Variants in PLXNA2 observed in about 807,000 individuals in gnomAD.
The protein encoded by PLXNA2 is plexin A2.
In PLXNA2, 91 loss-of-function variants were observed where a neutral mutation model predicts 193.5. The ratio of observed to expected loss-of-function variants is 0.47; its 90% CI spans 0.40 to 0.56. PLXNA2 has a LOEUF of 0.56. Among genes scored for constraint, PLXNA2 ranks in the 20% least tolerant of loss-of-function variants. The pLI is 0.00. For missense variants in PLXNA2, 1,995 were observed against 2,503.2 expected, an observed-to-expected ratio of 0.80 and a Z score of 4.33; for synonymous variants, 997 against 1,027.3, an observed-to-expected ratio of 0.97 and a Z score of 0.56.
intron 3 of PLXNA2, among the ~76,000 whole-genome samples, chr1:208,199,604 T>C (rs1670473177): frequency 6.6e-6 from 1 of 151,386 alleles, no homozygotes; most frequent in Admixed American, 6.6e-5. Flanking sequence ...GGCAGGAGAA[T>C]CGCTTGAACT....
intron 3 of PLXNA2, among the ~76,000 whole-genome samples, chr1:208,196,678 T>A (rs1478318148): frequency 6.6e-6 from 1 of 152,104 alleles, no homozygotes; most frequent in Admixed American, 6.5e-5. Context: ...ACCATGGCAG[T>A]GGGGGCAAGA....
At chr1:208,159,458 C>A (rs543584610) in intron 3 of PLXNA2, among the ~76,000 whole-genome samples, 4 of 152,208 alleles carry the variant, frequency 2.6e-5, no homozygotes, top group African/African-American at 9.6e-5. Flanking sequence ...TCCAGGAAGA[C>A]GGCTGCCCCT....
At chr1:208,052,188 C>T (rs900828598) in intron 15 of PLXNA2, 139 bp downstream of exon 15, 21 of 751,994 alleles carry the variant, frequency 2.8e-5, no homozygotes, top group Admixed American at 2.5e-5. Flanking sequence ...TCACAGTGAC[C>T]GGTATGGTAT....
At position 208,236,968 on chromosome 1, in the gene PLXNA2, C is replaced by T. The variant is rs1179108993; in HGVS notation, c.-81+6675G>A. ...AGCATCACTGATGTGGCTCCCCCAG[C>T]CTCAGACGAGGTGCAGGGAGAGCAT... On this transcript the variant is annotated intron_variant, in intron 1 of 31. Transcript: ENST00000367033. This position sits in a 1 kb window ranked among gnomAD's most constrained non-coding sequence, Gnocchi z 4.4. Among the ~76,000 whole-genome samples, 1 of 152,242 alleles carries T rather than the reference C, an allele frequency of 6.6e-6. No homozygotes were observed. The highest frequency in any genetic ancestry group is 1.5e-5 in the Non-Finnish European group (1 of 68,042).
At chr1:208,063,554 G>A (rs965366986) in intron 12 of PLXNA2, among the ~76,000 whole-genome samples, 1 of 152,234 alleles carries the variant, frequency 6.6e-6, no homozygotes, top group Non-Finnish European at 1.5e-5. Flanking sequence ...CAAGCCGGGA[G>A]AATGAGTGTC....
chr1:208,163,261 C>T (rs1367403050), intron 3 of PLXNA2, among the ~76,000 whole-genome samples: 1 of 152,008 alleles, frequency 6.6e-6, no homozygotes, highest in Non-Finnish European at 1.5e-5. Context: ...TCAGCTATAC[C>T]CTACCTACAA....
In PLXNA2 at chr1:208,044,447, A is replaced by T; in HGVS notation, c.3874+61T>A. The T allele has an allele frequency of 8.6e-7, 1 of 1,159,556 alleles. No individual in the cohort carries two copies. Among genetic ancestry groups the T allele is most frequent in the African/African-American group, 1.5e-5 (1 of 66,258 alleles). The allele number at this position is 1,159,556 out of a possible 1,614,324, so 71.8% of individuals were successfully genotyped here. A position where few individuals can be genotyped will look rare whatever the true frequency, so the allele number is the denominator to read the frequency against. ...AAAGATAGGAGTTGTCTGCAGGGAG[A>T]AGGGCAATAAGGCAGGTGGAGAAAG... On this transcript the variant is annotated intron_variant, in intron 20 of 31. Transcript: ENST00000367033. The surrounding 1 kb of genome is among the most constrained non-coding windows in gnomAD (Gnocchi z 4.9).
chr1:208,039,485 T>G, intron 24 of PLXNA2, 136 bp downstream of exon 24: 1 of 1,214,218 alleles, frequency 8.2e-7, no homozygotes, highest in Non-Finnish European at 1.2e-6. Context: ...GTACACTTAG[T>G]TGTCCTTTGG....
Position 208,038,239 on chromosome 1 carries a change from T to A in PLXNA2, c.4764+132A>T. On this transcript the variant is annotated intron_variant, in intron 26 of 31. Coordinates refer to ENST00000367033, the MANE Select transcript of PLXNA2 (RefSeq NM_025179.4). This position sits in a 1 kb window ranked among gnomAD's most constrained non-coding sequence, Gnocchi z 4.1. ...GGGCAGCCATGGCTAAGAATCCCTG[T>A]TCTATGCTCCAGCAGGAGGAGGAAA... The A allele has an allele frequency of 1.4e-6, 1 of 692,202 alleles. No homozygotes were observed. The highest frequency in any genetic ancestry group is 1.8e-5 in the African/African-American group (1 of 56,980). 42.9% of individuals were successfully genotyped at this position (692,202 alleles called of 1,614,324 possible). A position where few individuals can be genotyped will look rare whatever the true frequency, so the allele number is the denominator to read the frequency against.
intron 3 of PLXNA2, among the ~76,000 whole-genome samples, chr1:208,196,480 T>C (rs17012158): frequency 0.45 from 67,819 of 151,968 alleles, 15,421 homozygotes; most frequent in East Asian, 0.69. Context: ...ACAACAGAAG[T>C]GAATGCAAAT....
chr1:208,191,418 T>C (rs1670177725), intron 3 of PLXNA2, among the ~76,000 whole-genome samples: 1 of 152,150 alleles, frequency 6.6e-6, no homozygotes, highest in African/African-American at 2.4e-5. Context: ...AATGCAGCCC[T>C]TATCCTAAAA....
chr1:208,062,026 T>C (rs1412886676), intron 12 of PLXNA2, among the ~76,000 whole-genome samples: 2 of 152,096 alleles, frequency 1.3e-5, no homozygotes, highest in Non-Finnish European at 2.9e-5. Context: ...GGTCCAGTGT[T>C]CTTTTTACTA....
intron 3 of PLXNA2, chr1:208,210,052 AT>A (rs1283976991): frequency 2.5e-5 from 6 of 242,336 alleles, no homozygotes; most frequent in African/African-American, 1.3e-4. Flanking sequence ...AGTTTGGGAA[AT>A]ATTGAAATAC....
rs112050472 is a variant in PLXNA2, at chr1:208,028,618, C to T, written c.5438+212G>A. On this transcript the variant is annotated intron_variant, in intron 30 of 31. Coordinates refer to ENST00000367033, the MANE Select transcript of PLXNA2 (RefSeq NM_025179.4). The surrounding 1 kb of genome is among the most constrained non-coding windows in gnomAD (Gnocchi z 4.2). ...CAGAATGCTGAATGCTTAGCACATG[C>T]TCAATGAATAGTAATTAGGATGATA... is the stretch of plus-strand genomic sequence containing the variant. 8.6e-4 allele frequency among the ~76,000 whole-genome samples: 131 copies of T among 152,310 alleles called. 2 individuals carry two copies. The highest frequency in any genetic ancestry group is 6.8e-3 in the Middle Eastern group (2 of 294).
chr1:208,101,662 A>G (rs1000792791), intron 5 of PLXNA2, among the ~76,000 whole-genome samples: 2 of 152,326 alleles, frequency 1.3e-5, no homozygotes, highest in African/African-American at 4.8e-5. Context: ...TGATAGATCT[A>G]TAGGCACTTG....
At chr1:208,094,429 G>C (rs920426460) in intron 8 of PLXNA2, among the ~76,000 whole-genome samples, 1 of 152,112 alleles carries the variant, frequency 6.6e-6, no homozygotes, top group Non-Finnish European at 1.5e-5. Flanking sequence ...CTGTCAAGGA[G>C]ACCTGCTTTT....
chr1:208,152,682 C>T (rs866256538), intron 3 of PLXNA2, among the ~76,000 whole-genome samples: 6 of 78,182 alleles, frequency 7.7e-5, no homozygotes, highest in Non-Finnish European at 2.1e-4. Context: ...CACACACACA[C>T]GCACACACAC....
In PLXNA2 at chr1:208,030,642, T is replaced by C. The variant is rs1044074149; in HGVS notation, c.5225+948A>G. 34 of 985,284 alleles carry C rather than the reference T, an allele frequency of 3.5e-5. No individual in the cohort carries two copies. In the Middle Eastern group the frequency reaches 2.1e-3, roughly 60 times the overall value. 61.0% of individuals were successfully genotyped at this position (985,284 alleles called of 1,614,324 possible). A position where few individuals can be genotyped will look rare whatever the true frequency, so the allele number is the denominator to read the frequency against. ...GGGGTTGGCTTTTTCCAAAGTGTTTTGTTGGTTGCTAGGACTTTTGATTCC... is the reference window on the plus strand; with the variant it reads ...GGGGTTGGCTTTTTCCAAAGTGTTTCGTTGGTTGCTAGGACTTTTGATTCC... On this transcript the variant is annotated intron_variant, in intron 29 of 31. Coordinates refer to ENST00000367033, the MANE Select transcript of PLXNA2 (RefSeq NM_025179.4).
chr1:208,185,523 A>G (rs1392231083), intron 3 of PLXNA2, among the ~76,000 whole-genome samples: 1 of 151,952 alleles, frequency 6.6e-6, no homozygotes. Context: ...CATCAGTTTG[A>G]TGGTTCCCAC....
Sources: allele counts gnomAD v4.1 joint callset (sites outside exome capture counted in the v4.1 genomes callset), GRCh38; gene constraint gnomAD v4.1.1; non-coding constraint Gnocchi (gnomAD v3.1); transcripts MANE v1.5; gene names NCBI Gene and HGNC (gene_info 2026-07-23, HGNC 2026-07-21).